Variants in GPSM2 observed in about 807,000 individuals in gnomAD.
The protein encoded by GPSM2 is G protein signaling modulator 2, also known as G protein-signaling modulator 2.
A neutral mutation model predicts 78.4 loss-of-function variants in GPSM2; 58 were observed. The observed-to-expected ratio is 0.74, with a 90% CI of 0.60 to 0.92. The LOEUF (loss-of-function observed/expected upper bound fraction) is 0.92, where lower values mean the gene tolerates loss of function less well. Ranked by LOEUF, GPSM2 falls within the 40% of genes least tolerant of loss-of-function variation. GPSM2 has a pLI of 0.00. For missense variants in GPSM2, 700 were observed against 815.5 expected, an observed-to-expected ratio of 0.86 and a Z score of 1.73; for synonymous variants, 224 against 280.2, an observed-to-expected ratio of 0.80 and a Z score of 2.00.
rs1401069950 is a variant in GPSM2 at position 108,932,384 on chromosome 1, C to T, written c.*2444C>T. 6.6e-6 allele frequency: 1 copy of T among 152,124 alleles called. No individual in the cohort carries two copies. The highest frequency in any genetic ancestry group is 1.5e-5 in the Non-Finnish European group (1 of 68,026). The allele number at this position is 152,124 out of a possible 1,614,324, so 9.4% of individuals were successfully genotyped here. On this transcript the variant is annotated 3_prime_UTR_variant, in exon 15 of 15. Transcript: ENST00000264126. ...CTCATCTCTTTTCTGATAACAAACA[C>T]CCGATGTGTTCAATTTGCTTTCATA...
chr1:108,917,627 TA>T (rs1650353995), intron 11 of GPSM2, among the ~76,000 whole-genome samples: 1 of 14,082 alleles, frequency 7.1e-5, no homozygotes, highest in Admixed American at 5.6e-4. Context: ...TATATATATA[TA>T]TATATATATA....
Position 108,934,433 on chromosome 1 carries a change from T to G in GPSM2, c.*4493T>G. The G allele has an allele frequency of 2.0e-6, 1 of 504,856 alleles. No individual in the cohort carries two copies. The allele number at this position is 504,856 out of a possible 1,614,324, so 31.3% of individuals were successfully genotyped here. ...ATCTGTTCATCTTAAAATAAACACTTCTTACTTTATGGGATGTAAATATCA... is the reference window on the plus strand; with the variant it reads ...ATCTGTTCATCTTAAAATAAACACTGCTTACTTTATGGGATGTAAATATCA... On this transcript the variant is annotated 3_prime_UTR_variant, in exon 15 of 15. Coordinates refer to ENST00000264126, the MANE Select transcript of GPSM2 (RefSeq NM_013296.5).
chr1:108,897,922 T>G, intron 4 of GPSM2, 37 bp from the exon 5 acceptor site: 1 of 1,609,112 alleles, frequency 6.2e-7, no homozygotes, highest in Non-Finnish European at 8.5e-7. Flanking sequence ...CTGACCTCTG[T>G]TTTCAAAATG....
rs892468959 is a variant in GPSM2 at position 108,931,629 on chromosome 1, A to T, written c.*1689A>T. 1 of 212,798 alleles carries T rather than the reference A, an allele frequency of 4.7e-6. No individual in the cohort carries two copies. The highest frequency in any genetic ancestry group is 6.3e-6 in the Non-Finnish European group (1 of 157,920). 13.2% of individuals were successfully genotyped at this position (212,798 alleles called of 1,614,324 possible). On this transcript the variant is annotated 3_prime_UTR_variant, in exon 15 of 15. Transcript: ENST00000264126. ...AATTAATTACATTAAGTGCTCAGCT[A>T]AAAAAAAAAAAAAAGTTCTAAATTA... is the stretch of plus-strand genomic sequence containing the variant.
chr1:108,904,896 TAA>T (rs1353127559), intron 10 of GPSM2, among the ~76,000 whole-genome samples: 1 of 152,186 alleles, frequency 6.6e-6, no homozygotes, highest in Non-Finnish European at 1.5e-5. Flanking sequence ...ATAAAAGGGA[TAA>T]GATTAGGATC....
intron 1 of GPSM2, among the ~76,000 whole-genome samples, chr1:108,879,741 G>A (rs1313665332): frequency 1.3e-5 from 2 of 152,170 alleles, no homozygotes; most frequent in Non-Finnish European, 2.9e-5. Context: ...GCTGAGGCAG[G>A]GAGGCGGAGG....
chr1:108,902,947 C>CTT (rs904195052), intron 8 of GPSM2, among the ~76,000 whole-genome samples, 179 bp from the exon 9 acceptor site: 2 of 151,766 alleles, frequency 1.3e-5, no homozygotes, highest in African/African-American at 4.8e-5. Flanking sequence ...TGTGGGTATT[C>CTT]TTTTTTTTAA....
intron 12 of GPSM2, among the ~76,000 whole-genome samples, chr1:108,921,929 T>C (rs1650739190): frequency 6.6e-6 from 1 of 152,238 alleles, no homozygotes; most frequent in African/African-American, 2.4e-5. Context: ...CCAAATGAAG[T>C]ATAAATATAG....
chr1:108,902,335 C>A (rs1200843485), intron 8 of GPSM2, among the ~76,000 whole-genome samples: 2 of 150,370 alleles, frequency 1.3e-5, no homozygotes, highest in Non-Finnish European at 3.0e-5. Context: ...GAGCTGAGAT[C>A]ACGCCACTGC....
Position 108,903,200 on chromosome 1 carries a change from A to C in GPSM2, c.1028A>C (p.His343Pro), listed in dbSNP as rs1414929119. The C allele has an allele frequency of 6.2e-7, 1 of 1,608,070 alleles. No individual in the cohort carries two copies. The highest frequency in any genetic ancestry group is 1.7e-5 in the Admixed American group (1 of 60,016). Residue 343 changes from histidine to proline, a missense_variant, in exon 9 of 15, where the codon CAT becomes CCT. By Grantham distance (77) the His-to-Pro change is moderately conservative (BLOSUM62 -2). Transcript: ENST00000264126. ...TALGNHDQAM[H>P]FAEKHLEISR... ...CTAGGAAATCATGATCAAGCAATGCATTTTGCTGAAAAGCACTTGGAAATT... is the reference window on the plus strand; with the variant it reads ...CTAGGAAATCATGATCAAGCAATGCCTTTTGCTGAAAAGCACTTGGAAATT...
chr1:108,915,704 C>T (rs964913914), intron 11 of GPSM2, among the ~76,000 whole-genome samples: 1 of 151,404 alleles, frequency 6.6e-6, no homozygotes, highest in Non-Finnish European at 1.5e-5. Context: ...GGATTACAGG[C>T]GTGAGCCACT....
intron 14 of GPSM2, chr1:108,929,381 G>C (rs775373494): frequency 3.5e-5 from 12 of 339,946 alleles, no homozygotes; most frequent in South Asian, 8.8e-5. Context: ...AGATACAGTT[G>C]ACCTTGTCTT....
intron 1 of GPSM2, among the ~76,000 whole-genome samples, chr1:108,883,699 G>A (rs933994753): frequency 1.2e-4 from 19 of 152,044 alleles, no homozygotes; most frequent in African/African-American, 4.3e-4. Context: ...TAATGTATCG[G>A]TATGGATTCA....
intron 1 of GPSM2, among the ~76,000 whole-genome samples, chr1:108,879,848 C>G (rs1183073391): frequency 1.3e-5 from 2 of 152,154 alleles, no homozygotes; most frequent in East Asian, 3.9e-4. Flanking sequence ...TGAATATATG[C>G]TTCTGCCACA....
At chr1:108,888,435 C>A (rs753694759) in intron 2 of GPSM2, among the ~76,000 whole-genome samples, 4 of 152,140 alleles carry the variant, frequency 2.6e-5, no homozygotes, top group African/African-American at 9.7e-5. Context: ...GCAGCCTCAA[C>A]CTCTCAGGCT....
At chr1:108,898,367 T>C (rs1648542773) in intron 5 of GPSM2, among the ~76,000 whole-genome samples, 1 of 152,236 alleles carries the variant, frequency 6.6e-6, no homozygotes, top group Admixed American at 6.5e-5. Context: ...TTTAGTCTTT[T>C]ACCAATAGAA....
chr1:108,921,086 C>CCT (rs1206395128), intron 12 of GPSM2, among the ~76,000 whole-genome samples: 1 of 152,008 alleles, frequency 6.6e-6, no homozygotes, highest in Admixed American at 6.6e-5. Context: ...TGCAAGATAC[C>CCT]CTCTTTCACT....
chr1:108,910,897 G>C (rs2101482129), intron 10 of GPSM2, among the ~76,000 whole-genome samples: 1 of 151,572 alleles, frequency 6.6e-6, no homozygotes, highest in Admixed American at 6.6e-5. Flanking sequence ...TTCAACATTA[G>C]AAAATCAATT....
At position 108,898,731 on chromosome 1, in the gene GPSM2, G is replaced by A; in HGVS notation, c.647G>A (p.Gly216Asp). Residue 216 changes from glycine (G) to aspartate (D), a missense_variant, in exon 6 of 15, where the codon GGC (glycine) becomes GAC (aspartate). Gly to Asp is a moderately conservative substitution (Grantham distance 94). Transcript: ENST00000264126. ...CTTGGAAACACACATTACCTCCTTG[G>A]CAACTTCAGGGATGCAGTTATAGCT... The part of the protein sequence containing the change: ...GNLGNTHYLL[G>D]NFRDAVIAHE... The A allele has an allele frequency of 6.2e-7, 1 of 1,613,906 alleles. No individual in the cohort carries two copies. Among genetic ancestry groups the A allele is most frequent in the Non-Finnish European group, 8.5e-7 (1 of 1,179,828 alleles).
Sources: allele counts gnomAD v4.1 joint callset (sites outside exome capture counted in the v4.1 genomes callset), GRCh38; gene constraint gnomAD v4.1.1; transcripts MANE v1.5; gene names NCBI Gene and HGNC (gene_info 2026-07-23, HGNC 2026-07-21).